The following AHNAK variants were observed in gnomAD, a reference collection of about 807,000 sequenced individuals.
AHNAK encodes neuroblast differentiation-associated protein AHNAK.
Under a neutral mutation model 37.8 loss-of-function variants are expected in AHNAK, and 23 were observed. The ratio of observed to expected loss-of-function variants is 0.61; its 90% CI spans 0.44 to 0.86. The LOEUF (loss-of-function observed/expected upper bound fraction) is 0.86, where lower values mean the gene tolerates loss of function less well. AHNAK is among the 40% of genes least tolerant of loss of function. The pLI, the probability that AHNAK is intolerant of heterozygous loss-of-function variation, is 0.00. For missense variants in AHNAK, 7,411 were observed against 7,319.4 expected, an observed-to-expected ratio of 1.01 and a Z score of -0.46; for synonymous variants, 2,481 against 2,636.3, an observed-to-expected ratio of 0.94 and a Z score of 1.80.
At position 62,522,831 on chromosome 11, in the gene AHNAK, C is replaced by A; in HGVS notation, c.11586G>T (p.Lys3862Asn). ...GGGCTTTGATGTTCATCTCAGGCAT[C>A]TTGAATTTGGGACCTTTCAACTTTC... is the stretch of plus-strand genomic sequence containing the variant. ...PEGKLKGPKF[K>N]MPEMNIKAPK... is the part of the protein sequence containing the mutation. The change falls in exon 5 of 5, where the codon AAG becomes AAT. Residue 3862 changes from lysine (K) to asparagine (N), a missense_variant. Lys to Asn is a moderately conservative substitution (Grantham distance 94, BLOSUM62 0). Coordinates refer to ENST00000378024, the MANE Select transcript of AHNAK (RefSeq NM_001620.3). The A allele has an allele frequency of 6.2e-7, 1 of 1,613,036 alleles. No individual in the cohort carries two copies.
intron 5 of AHNAK, among the ~76,000 whole-genome samples, chr11:62,447,660 G>C (rs930344598): frequency 4.9e-5 from 7 of 141,842 alleles, no homozygotes; most frequent in African/African-American, 1.8e-4. Flanking sequence ...CTCCTCCCTC[G>C]GTTACTGCCT....
chr11:62,467,783 C>G (rs1475233560), intron 5 of AHNAK, among the ~76,000 whole-genome samples: 1 of 152,208 alleles, frequency 6.6e-6, no homozygotes, highest in African/African-American at 2.4e-5. Flanking sequence ...GAGGGACACT[C>G]TCAGGCAACT....
At chr11:62,487,325 G>T (rs1210130879) in intron 5 of AHNAK, among the ~76,000 whole-genome samples, 1 of 152,358 alleles carries the variant, frequency 6.6e-6, no homozygotes, top group South Asian at 2.1e-4. Flanking sequence ...CCAACGTAGA[G>T]TAGCAAAGAC....
intron 1 of AHNAK, 53 bp downstream of exon 1, chr11:62,546,607 C>T (rs916024774): frequency 5.9e-5 from 9 of 152,422 alleles, no homozygotes; most frequent in African/African-American, 1.9e-4. Flanking sequence ...CCCCGCGACC[C>T]GCCCTTGGTG....
At chr11:62,439,665 A>AT (rs34334316) in intron 5 of AHNAK, among the ~76,000 whole-genome samples, 20,781 of 83,200 alleles carry the variant, frequency 0.25, 2,444 homozygotes, top group Non-Finnish European at 0.33. Context: ...TTTTTGTGTG[A>AT]TTTTTTTTTT....
downstream of AHNAK, among the ~76,000 whole-genome samples, chr11:62,512,702 T>C (rs371314858): frequency 1.8e-4 from 27 of 152,126 alleles, no homozygotes; most frequent in African/African-American, 6.0e-4. This position sits in a 1 kb window ranked among gnomAD's most constrained non-coding sequence, Gnocchi z 4.0. Context: ...CTCAGGAGTT[T>C]GAGACTAGCC....
chr11:62,498,426 T>C (rs1200831593), intron 4 of AHNAK, among the ~76,000 whole-genome samples: 2 of 137,506 alleles, frequency 1.5e-5, no homozygotes, highest in African/African-American at 2.9e-5. Flanking sequence ...TTACACTATA[T>C]AGTGTAATTA....
chr11:62,529,084 G>A lies in AHNAK; in HGVS notation c.5333C>T (p.Ala1778Val), dbSNP rs141959251. 1.4e-4 allele frequency: 230 copies of A among 1,614,040 alleles called. No homozygotes were observed. In the African/African-American group the frequency reaches 2.8e-3, roughly 19 times the overall value. Residue 1778 changes from alanine to valine, a missense_variant, in exon 5 of 5, where the codon GCT (alanine) becomes GTT (valine). Coordinates refer to ENST00000378024, the MANE Select transcript of AHNAK (RefSeq NM_001620.3). ...KFKMPKLNIK[A>V]PKVSMPDVDL... ...CACATCTGGCATGGAGACCTTGGGAGCTTTTATATTCAACTTGGGCATCTT... is the reference window on the plus strand; with the variant it reads ...CACATCTGGCATGGAGACCTTGGGAACTTTTATATTCAACTTGGGCATCTT...
At chr11:62,535,875 G>C in intron 3 of AHNAK, 70 bp downstream of exon 3, 3 of 1,541,868 alleles carry the variant, frequency 1.9e-6, no homozygotes, top group South Asian at 2.4e-5. Flanking sequence ...CCTGCTCCCT[G>C]CCCTTCCCTC....
chr11:62,449,947 G>A (rs779378817), intron 5 of AHNAK, among the ~76,000 whole-genome samples: 1 of 152,044 alleles, frequency 6.6e-6, no homozygotes, highest in Non-Finnish European at 1.5e-5. Flanking sequence ...TTTCCTGCGT[G>A]AAAATCTCCA....
At chr11:62,450,286 T>C (rs1169470706) in intron 5 of AHNAK, among the ~76,000 whole-genome samples, 1 of 151,998 alleles carries the variant, frequency 6.6e-6, no homozygotes, top group Non-Finnish European at 1.5e-5. Flanking sequence ...GCCTCCCAAG[T>C]AGCTGAGATT....
chr11:62,438,065 T>C (rs12787684), intron 5 of AHNAK, among the ~76,000 whole-genome samples: 92,924 of 151,876 alleles, frequency 0.61, 28,823 homozygotes, highest in South Asian at 0.71. Context: ...CTCAGCTAAT[T>C]TCCCAGCGCA....
chr11:62,498,427 A>G (rs12223424), intron 4 of AHNAK, among the ~76,000 whole-genome samples: 12,375 of 139,322 alleles, frequency 0.089, 1,736 homozygotes, highest in African/African-American at 0.32. Flanking sequence ...TACACTATAT[A>G]GTGTAATTAT....
Position 62,516,060 on chromosome 11 carries a change from C to G in AHNAK, c.*684G>C, listed in dbSNP as rs1940008427. 4 of 1,206,318 alleles carry G rather than the reference C, an allele frequency of 3.3e-6. No individual in the cohort carries two copies. The highest frequency in any genetic ancestry group is 4.2e-6 in the Non-Finnish European group (4 of 948,664). 74.7% of individuals were successfully genotyped at this position (1,206,318 alleles called of 1,614,324 possible). A position where few individuals can be genotyped will look rare whatever the true frequency, so the allele number is the denominator to read the frequency against. On this transcript the variant is annotated 3_prime_UTR_variant, in exon 5 of 5. Coordinates refer to ENST00000378024, the MANE Select transcript of AHNAK (RefSeq NM_001620.3). ...CAGGAACATGGCGGCATGAAGGAAACAGTTCCCTTACAAAACACAGAAAAT... is the reference window on the plus strand; with the variant it reads ...CAGGAACATGGCGGCATGAAGGAAAGAGTTCCCTTACAAAACACAGAAAAT...
Position 62,531,027 on chromosome 11 carries a change from T to G in AHNAK, c.3390A>C (p.Lys1130Asn), listed in dbSNP as rs369685694. Reference sequence around the variant, plus strand: ...GGCTGGGCATGCTGAACTTGGGCATTTTCATCTTGGGTATTTTCAGGCTCC... The same window carrying G: ...GGCTGGGCATGCTGAACTTGGGCATGTTCATCTTGGGTATTTTCAGGCTCC... ...LDWSLKIPKM[K>N]MPKFSMPSLK... Residue 1130 changes from lysine to asparagine, a missense_variant, in exon 5 of 5, where the codon AAA (lysine) becomes AAC (asparagine). Coordinates refer to ENST00000378024, the MANE Select transcript of AHNAK (RefSeq NM_001620.3). 30 of 1,613,670 alleles carry G rather than the reference T, an allele frequency of 1.9e-5. No homozygotes were observed. In the African/African-American group the frequency reaches 3.7e-4, roughly 20 times the overall value.
intron 5 of AHNAK, among the ~76,000 whole-genome samples, chr11:62,461,554 G>C (rs34253605): frequency 0.28 from 42,132 of 152,048 alleles, 7,381 homozygotes; most frequent in Non-Finnish European, 0.39. Flanking sequence ...CAAGCCTAAG[G>C]ATTTTAGAAG....
intron 5 of AHNAK, among the ~76,000 whole-genome samples, chr11:62,458,595 T>C (rs1041448486): frequency 3.3e-5 from 5 of 152,150 alleles, no homozygotes; most frequent in Non-Finnish European, 5.9e-5. Context: ...GCAGAAAAAT[T>C]GGCCAGTACT....
At chr11:62,486,602 A>G (rs1939401914) in intron 5 of AHNAK, among the ~76,000 whole-genome samples, 1 of 152,084 alleles carries the variant, frequency 6.6e-6, no homozygotes, top group Non-Finnish European at 1.5e-5. Flanking sequence ...ATTAGTGTTG[A>G]ATGGCTACAG....
Position 62,518,319 on chromosome 11 carries a change from C to T in AHNAK, c.16098G>A (p.Arg5366=), listed in dbSNP as rs1940101324. The change falls in exon 5 of 5, where the codon AGG becomes AGA. Residue 5366 remains arginine (R), a synonymous_variant. Transcript: ENST00000378024. ...CCAGATCTCCCTGCAGGCTTGGTCC[C>T]CTCAGTGTCACATCTGGTGCCCCAA... ...LNVGAPDVTL[R]GPSLQGDLAV... 3 of 1,614,162 alleles carry T rather than the reference C, an allele frequency of 1.9e-6. No individual in the cohort carries two copies. In the African/African-American group the frequency reaches 4.0e-5, roughly 22 times the overall value.
Sources: allele counts gnomAD v4.1 joint callset (sites outside exome capture counted in the v4.1 genomes callset), GRCh38; gene constraint gnomAD v4.1.1; non-coding constraint Gnocchi (gnomAD v3.1); transcripts MANE v1.5; gene names NCBI Gene and HGNC (gene_info 2026-07-23, HGNC 2026-07-21).